The following MMUT variants were observed in gnomAD, a reference collection of about 807,000 sequenced individuals.
MMUT encodes methylmalonyl-CoA mutase, mitochondrial.
Under a neutral mutation model 79.9 loss-of-function variants are expected in MMUT, and 79 were observed. The ratio of observed to expected loss-of-function variants is 0.99; its 90% CI spans 0.82 to 1.19. The LOEUF (loss-of-function observed/expected upper bound fraction) is 1.19, where lower values mean the gene tolerates loss of function less well. MMUT is among the 50% of genes most tolerant of loss of function. MMUT has a pLI of 0.00. For synonymous variants in MMUT, 273 were observed against 295.7 expected (o/e 0.92, Z 0.79); for missense variants, 860 against 917.2 (o/e 0.94, Z 0.81).
chr6:49,449,304 T>C (rs551689884), intron 6 of MMUT, among the ~76,000 whole-genome samples: 1 of 152,276 alleles, frequency 6.6e-6, no homozygotes, highest in Admixed American at 6.5e-5. Context: ...AGAGAAACAA[T>C]GTAACCTCAT....
chr6:49,450,083 T>C (rs1561955898), intron 6 of MMUT, among the ~76,000 whole-genome samples: 1 of 151,582 alleles, frequency 6.6e-6, no homozygotes, highest in Non-Finnish European at 1.5e-5. Context: ...ATACAAAAAT[T>C]ATCCGGGTGT....
intron 12 of MMUT, among the ~76,000 whole-genome samples, chr6:49,432,277 G>A (rs1326378926): frequency 1.3e-5 from 2 of 152,080 alleles, no homozygotes; most frequent in Admixed American, 6.6e-5. Flanking sequence ...GTTAGTGAAT[G>A]ATGGCACTTT....
At chr6:49,437,909 T>C (rs1767174644) in intron 11 of MMUT, among the ~76,000 whole-genome samples, 1 of 152,148 alleles carries the variant, frequency 6.6e-6, no homozygotes, top group African/African-American at 2.4e-5. Flanking sequence ...TCTGGGTTTC[T>C]TGTAACAAGT....
At chr6:49,454,798 C>T (rs1767645107) in intron 4 of MMUT, among the ~76,000 whole-genome samples, 1 of 152,160 alleles carries the variant, frequency 6.6e-6, no homozygotes, top group Non-Finnish European at 1.5e-5. Flanking sequence ...AGAATCTCAG[C>T]ACTTTAGGAG....
intron 2 of MMUT, among the ~76,000 whole-genome samples, chr6:49,458,291 A>G (rs781645967): frequency 1.3e-5 from 2 of 152,160 alleles, no homozygotes; most frequent in African/African-American, 4.8e-5. Context: ...AGACCTCACT[A>G]AAGGAAAGAA....
chr6:49,459,362 CTGG>C lies in MMUT; in HGVS notation c.102_104del (p.His34del). 6.2e-7 allele frequency: 1 copy of C among 1,613,872 alleles called. No homozygotes were observed. The highest frequency in any genetic ancestry group is 1.1e-5 in the South Asian group (1 of 91,070). ...CCCATTCTGGGTGAAGGGGCTGTTG[CTGG>C]TGTAGAAGTCGTTGCTGTATGAGCC... On this transcript the variant is annotated inframe_deletion, in exon 2 of 13. Transcript: ENST00000274813.
At chr6:49,438,583 T>C (rs1767193347) in intron 11 of MMUT, among the ~76,000 whole-genome samples, 1 of 152,192 alleles carries the variant, frequency 6.6e-6, no homozygotes. Flanking sequence ...TTATATTTTA[T>C]TTTTATTTCT....
intron 3 of MMUT, among the ~76,000 whole-genome samples, chr6:49,457,447 T>G (rs979251758): frequency 1.3e-5 from 2 of 152,232 alleles, no homozygotes; most frequent in South Asian, 2.1e-4. Context: ...AAGACCTCCC[T>G]GAATCTAACA....
At chr6:49,449,036 A>T (rs1427048146) in intron 6 of MMUT, 109 bp from the exon 7 acceptor site, 1 of 574,306 alleles carries the variant, frequency 1.7e-6, no homozygotes, top group African/African-American at 1.9e-5. Context: ...AAAATTATAA[A>T]CTAAATGTTA....
intron 12 of MMUT, among the ~76,000 whole-genome samples, chr6:49,434,936 T>C (rs894325254): frequency 7.2e-5 from 11 of 152,156 alleles, no homozygotes; most frequent in African/African-American, 2.2e-4. Context: ...GTAAATGATA[T>C]AGCTCTGAGG....
At chr6:49,448,464 G>A (rs1353061697) in intron 7 of MMUT, among the ~76,000 whole-genome samples, 1 of 152,016 alleles carries the variant, frequency 6.6e-6, no homozygotes, top group Non-Finnish European at 1.5e-5. Flanking sequence ...CATAGCAAGT[G>A]CCTCAAACAA....
chr6:49,437,485 T>C (rs922878290), intron 11 of MMUT, among the ~76,000 whole-genome samples: 2 of 152,166 alleles, frequency 1.3e-5, no homozygotes, highest in African/African-American at 4.8e-5. Context: ...TTAGTACTTA[T>C]CACTTTTGGT....
intron 6 of MMUT, among the ~76,000 whole-genome samples, chr6:49,450,188 G>C (rs1278223519): frequency 2.0e-5 from 3 of 148,398 alleles, no homozygotes; most frequent in African/African-American, 7.5e-5. Context: ...CCGAGATCAC[G>C]CCACTGCACT....
At chr6:49,454,050 T>A (rs181717499) in intron 4 of MMUT, among the ~76,000 whole-genome samples, 75 of 152,330 alleles carry the variant, frequency 4.9e-4, no homozygotes, top group Middle Eastern at 3.4e-3. Flanking sequence ...ATTCAATTTA[T>A]TTAAAAAATG....
At position 49,457,849 on chromosome 6, in the gene MMUT, A is replaced by C. The variant is rs2127419986; in HGVS notation, c.595T>G (p.Phe199Val). The C allele has an allele frequency of 6.2e-7, 1 of 1,613,910 alleles. No individual in the cohort carries two copies. Among genetic ancestry groups the C allele is most frequent in the East Asian group, 2.2e-5 (1 of 44,856 alleles). Residue 199 changes from phenylalanine (F) to valine (V), a missense_variant, in exon 3 of 13, where the codon TTT (phenylalanine) becomes GTT (valine). Physicochemically the swap from Phe to Val is conservative, Grantham distance 50. Transcript: ENST00000274813. ...CCTTGTTCTTCTCCAGTTACTATAAAATTTGCAAGAACTGGAATAACTGCT... is the reference window on the plus strand; with the variant it reads ...CCTTGTTCTTCTCCAGTTACTATAACATTTGCAAGAACTGGAATAACTGCT... Reference protein sequence around the residue: ...NGAVIPVLANFIVTGEEQGVP... With the variant: ...NGAVIPVLANVIVTGEEQGVP...
chr6:49,446,261 C>A (rs893625211), intron 8 of MMUT, among the ~76,000 whole-genome samples: 1 of 151,692 alleles, frequency 6.6e-6, no homozygotes, highest in Non-Finnish European at 1.5e-5. Context: ...ATTGTTAAAA[C>A]CATAGGTAAA....
chr6:49,432,828 A>T (rs1767022231), intron 12 of MMUT, among the ~76,000 whole-genome samples: 1 of 152,144 alleles, frequency 6.6e-6, no homozygotes, highest in South Asian at 2.1e-4. Context: ...CAAGAACCTG[A>T]TCATTATCCA....
intron 5 of MMUT, 24 bp downstream of exon 5, chr6:49,453,561 C>G (rs1206652617): frequency 7.0e-7 from 1 of 1,433,092 alleles, no homozygotes; most frequent in South Asian, 1.4e-5. Flanking sequence ...TATTAAAATT[C>G]TACATTTTAA....
intron 11 of MMUT, among the ~76,000 whole-genome samples, chr6:49,436,470 T>A (rs1767131658): frequency 6.6e-6 from 1 of 151,866 alleles, no homozygotes; most frequent in Admixed American, 6.6e-5. Flanking sequence ...CCAGGTATGG[T>A]GGCACGTGCC....
Sources: allele counts gnomAD v4.1 joint callset (sites outside exome capture counted in the v4.1 genomes callset), GRCh38; gene constraint gnomAD v4.1.1; transcripts MANE v1.5; gene names NCBI Gene and HGNC (gene_info 2026-07-23, HGNC 2026-07-21).